PDE4D: variants seen among roughly 807,000 people sequenced by gnomAD.
PDE4D encodes the protein phosphodiesterase 4D.
Under a neutral mutation model 87.4 loss-of-function variants are expected in PDE4D, and 24 were observed. The observed-to-expected ratio is 0.27, with a 90% CI of 0.20 to 0.39. PDE4D has a LOEUF of 0.39. Among genes scored for constraint, PDE4D ranks in the 10% least tolerant of loss-of-function variants. PDE4D has a pLI of 1.00. For synonymous variants in PDE4D, 384 were observed against 383.2 expected (o/e 1.00, Z -0.02); for missense variants, 714 against 1,041.0 (o/e 0.69, Z 4.32).
At chr5:59,488,316 C>G (rs1434762376) in intron 1 of PDE4D, among the ~76,000 whole-genome samples, 2 of 152,120 alleles carry the variant, frequency 1.3e-5, no homozygotes, top group Non-Finnish European at 2.9e-5. Flanking sequence ...TTACCAGTGC[C>G]AAACAATTTG....
intron 6 of PDE4D, among the ~76,000 whole-genome samples, chr5:59,006,100 A>G (rs1364600961): frequency 2.6e-5 from 4 of 152,240 alleles, no homozygotes; most frequent in African/African-American, 9.6e-5. Flanking sequence ...ATGCAGATGT[A>G]ATGATGACGA....
At chr5:59,114,724 G>C (rs1222421109) in intron 5 of PDE4D, among the ~76,000 whole-genome samples, 1 of 152,048 alleles carries the variant, frequency 6.6e-6, no homozygotes, top group Non-Finnish European at 1.5e-5. Context: ...AAAGGTTTTT[G>C]AGAGGGATAC....
intron 2 of PDE4D, among the ~76,000 whole-genome samples, chr5:60,107,229 C>A (rs1777073437): frequency 6.6e-6 from 1 of 152,254 alleles, no homozygotes; most frequent in African/African-American, 2.4e-5. Flanking sequence ...ACTACAAAAA[C>A]CTCTACGCAA....
chr5:60,379,428 G>C (rs966697177), intron 1 of PDE4D, among the ~76,000 whole-genome samples: 3 of 151,998 alleles, frequency 2.0e-5, no homozygotes, highest in Admixed American at 2.0e-4. Context: ...ATAAAACTTG[G>C]GTGGACAAAA....
At chr5:59,863,036 T>A (rs1345494132) in intron 1 of PDE4D, among the ~76,000 whole-genome samples, 1 of 152,230 alleles carries the variant, frequency 6.6e-6, no homozygotes, top group South Asian at 2.1e-4. Context: ...TCTTATCGTG[T>A]TCTTAAGGGA....
At chr5:59,268,163 T>C (rs1763170364) in intron 1 of PDE4D, among the ~76,000 whole-genome samples, 1 of 152,084 alleles carries the variant, frequency 6.6e-6, no homozygotes, top group South Asian at 2.1e-4. Flanking sequence ...CAGTTCACCC[T>C]TCTGTTAGCT....
intron 3 of PDE4D, among the ~76,000 whole-genome samples, chr5:59,189,253 G>C (rs11954741): frequency 8.3e-6 from 1 of 120,848 alleles, no homozygotes; most frequent in Admixed American, 9.6e-5. Flanking sequence ...TGTTTTTTTT[G>C]TTTTTTTTTT....
intron 1 of PDE4D, among the ~76,000 whole-genome samples, chr5:59,632,366 A>T (rs1291394618): frequency 6.6e-6 from 1 of 152,168 alleles, no homozygotes; most frequent in Non-Finnish European, 1.5e-5. Flanking sequence ...AGAACAGCAG[A>T]TTTCCCAGCA....
chr5:59,943,193 AATT>A (rs905743840), intron 3 of PDE4D, among the ~76,000 whole-genome samples: 39 of 129,898 alleles, frequency 3.0e-4, no homozygotes, highest in African/African-American at 9.9e-4. Flanking sequence ...CAAAGGTAAC[AATT>A]ATTATTATTA....
chr5:59,118,018 A>G (rs1469754299), intron 5 of PDE4D, among the ~76,000 whole-genome samples: 1 of 152,184 alleles, frequency 6.6e-6, no homozygotes, highest in Non-Finnish European at 1.5e-5. Flanking sequence ...TCCAACATGG[A>G]CATGTATCTA....
At chr5:59,098,872 A>G (rs1001680165) in intron 5 of PDE4D, among the ~76,000 whole-genome samples, 1 of 152,130 alleles carries the variant, frequency 6.6e-6, no homozygotes, top group Non-Finnish European at 1.5e-5. Flanking sequence ...CATTTAGGTT[A>G]CAAGATGGCT....
In PDE4D at chr5:60,392,001, G is replaced by A. The variant is rs533543262; in HGVS notation, c.-90+95941C>T. Among the ~76,000 whole-genome samples, 179 of 152,184 alleles carry A rather than the reference G, an allele frequency of 1.2e-3. 2 individuals carry two copies. Among genetic ancestry groups the A allele is most frequent in the Non-Finnish European group, 2.5e-4 (17 of 68,006 alleles). On this transcript the variant is annotated intron_variant, in intron 1 of 16. Transcript: ENST00000502484. ...CTGAAACTGTTGGTTTTATAACCTG[G>A]GATGACTAACTCAATCACAATTACT... is the stretch of plus-strand genomic sequence containing the variant.
At chr5:59,514,175 G>A (rs1457332772) in intron 1 of PDE4D, among the ~76,000 whole-genome samples, 3 of 150,268 alleles carry the variant, frequency 2.0e-5, no homozygotes, top group Non-Finnish European at 4.4e-5. Flanking sequence ...GTGCGATCTC[G>A]GCTCACTGCA....
chr5:59,041,409 G>T (rs969907707), intron 5 of PDE4D, among the ~76,000 whole-genome samples: 6 of 152,100 alleles, frequency 3.9e-5, no homozygotes, highest in African/African-American at 1.2e-4. Context: ...GCATCACCTA[G>T]TTGCCATGGT....
upstream of PDE4D, among the ~76,000 whole-genome samples, chr5:59,893,987 A>G (rs1310321585): frequency 1.3e-5 from 2 of 151,982 alleles, no homozygotes; most frequent in East Asian, 3.9e-4. Context: ...AGGGATTGTC[A>G]GCAACTCGGG....
chr5:60,284,775 A>G (rs948658741), intron 1 of PDE4D, among the ~76,000 whole-genome samples: 2 of 152,090 alleles, frequency 1.3e-5, no homozygotes, highest in African/African-American at 4.8e-5. Context: ...TGACATATTC[A>G]GGATAGGTAG....
At chr5:59,475,285 C>T (rs1264599052) in intron 1 of PDE4D, among the ~76,000 whole-genome samples, 1 of 152,150 alleles carries the variant, frequency 6.6e-6, no homozygotes, top group African/African-American at 2.4e-5. Flanking sequence ...CCTAGGTACA[C>T]CTTTCAGAGA....
intron 2 of PDE4D, among the ~76,000 whole-genome samples, chr5:60,057,098 C>T (rs1381253712): frequency 1.3e-5 from 2 of 151,962 alleles, no homozygotes; most frequent in African/African-American, 4.8e-5. Context: ...TCTATTGGCT[C>T]AGGTATATAA....
rs569201742 is a variant in PDE4D at position 59,331,022 on chromosome 5, T to C, written c.456-115054A>G. Among the ~76,000 whole-genome samples the C allele has an allele frequency of 9.2e-5, 14 of 152,312 alleles. No individual in the cohort carries two copies. The South Asian group carries it at 2.5e-3, about 27-fold the overall frequency. On this transcript the variant is annotated intron_variant, in intron 1 of 14. Transcript: ENST00000340635. ...TCGCCCAGTTTCCAGTCTTGAGAGC[T>C]CCGTTATCACTGACCCTCTGTCTCC...
Sources: allele counts gnomAD v4.1 joint callset (sites outside exome capture counted in the v4.1 genomes callset), GRCh38; gene constraint gnomAD v4.1.1; transcripts MANE v1.5; gene names NCBI Gene and HGNC (gene_info 2026-07-23, HGNC 2026-07-21).